Variants in EPHA6 observed in about 807,000 individuals in gnomAD.
EPHA6 encodes ephrin type-A receptor 6.
A neutral mutation model predicts 112.0 loss-of-function variants in EPHA6; 50 were observed. The observed-to-expected ratio is 0.45, with a 90% CI of 0.36 to 0.56. The LOEUF is 0.56. Among genes scored for constraint, EPHA6 ranks in the 20% least tolerant of loss-of-function variants. EPHA6 has a pLI of 0.00. For missense variants in EPHA6, 1,280 were observed against 1,417.4 expected (o/e 0.90, Z 1.56); for synonymous variants, 529 against 490.7 (o/e 1.08, Z -1.03).
At chr3:97,139,663 C>G (rs985151539) in intron 3 of EPHA6, among the ~76,000 whole-genome samples, 2 of 152,148 alleles carry the variant, frequency 1.3e-5, no homozygotes, top group Admixed American at 1.3e-4. Flanking sequence ...GTGCAACACT[C>G]CCACCCTCGG....
At chr3:97,170,855 T>C (rs1344952827) in intron 3 of EPHA6, among the ~76,000 whole-genome samples, 2 of 152,182 alleles carry the variant, frequency 1.3e-5, no homozygotes, top group Non-Finnish European at 2.9e-5. Flanking sequence ...TTTTTCTTTT[T>C]TGAGAATACA....
At chr3:97,274,648 A>G (rs974201077) in intron 5 of EPHA6, among the ~76,000 whole-genome samples, 6 of 152,176 alleles carry the variant, frequency 3.9e-5, no homozygotes, top group Non-Finnish European at 8.8e-5. Context: ...TGGTAGCCTC[A>G]ATGATACATG....
At chr3:97,527,817 A>T (rs2092642187) in intron 10 of EPHA6, among the ~76,000 whole-genome samples, 2 of 152,108 alleles carry the variant, frequency 1.3e-5, no homozygotes, top group Non-Finnish European at 2.9e-5. Context: ...ACTGAAACTT[A>T]CTTCTCAGTG....
chr3:97,450,705 A>T (rs1239101066), intron 7 of EPHA6, among the ~76,000 whole-genome samples: 1 of 152,116 alleles, frequency 6.6e-6, no homozygotes, highest in Non-Finnish European at 1.5e-5. Flanking sequence ...CAATTCACTC[A>T]TTCAACCGAC....
At chr3:97,593,721 G>A (rs2093564395) in intron 12 of EPHA6, among the ~76,000 whole-genome samples, 1 of 152,082 alleles carries the variant, frequency 6.6e-6, no homozygotes, top group East Asian at 1.9e-4. Flanking sequence ...ATTCTACACT[G>A]ATATTTTTCC....
chr3:97,433,133 A>G (rs1394020335), intron 6 of EPHA6, among the ~76,000 whole-genome samples: 2 of 152,154 alleles, frequency 1.3e-5, no homozygotes, highest in African/African-American at 4.8e-5. Flanking sequence ...CAAATAAGGA[A>G]AACTGGTTTG....
chr3:97,594,078 C>T (rs183938188), intron 12 of EPHA6, among the ~76,000 whole-genome samples: 7 of 152,132 alleles, frequency 4.6e-5, no homozygotes, highest in Non-Finnish European at 5.9e-5. Context: ...TAATTAATAT[C>T]CCAGTGATTG....
chr3:97,084,348 C>T (rs1383157241), intron 3 of EPHA6, among the ~76,000 whole-genome samples: 2 of 151,532 alleles, frequency 1.3e-5, no homozygotes, highest in Admixed American at 1.3e-4. Flanking sequence ...CACACACAGA[C>T]ATATACACAC....
chr3:96,987,556 C>G lies in EPHA6; in HGVS notation c.677C>G (p.Ser226Ter), dbSNP rs773373159. Residue 226 changes from serine (S) to a stop codon, truncating the protein, a stop_gained, in exon 3 of 18, where the codon TCA becomes TGA. Transcript: ENST00000389672. LOFTEE classifies it high-confidence loss of function. ...ACATTTAATCTGTTTTATATGGAAT[C>G]AGATGAGTCCCACGGAATTAAATTC... Reference protein sequence around the residue: ...KETFNLFYMESDESHGIKFKP... With the variant: ...KETFNLFYME 2 of 1,613,918 alleles carry G rather than the reference C, an allele frequency of 1.2e-6. No individual in the cohort carries two copies. The highest frequency in any genetic ancestry group is 2.2e-5 in the South Asian group (2 of 91,080).
chr3:97,725,258 A>G (rs2034709153), intron 15 of EPHA6, among the ~76,000 whole-genome samples: 2 of 152,056 alleles, frequency 1.3e-5, no homozygotes, highest in Admixed American at 1.3e-4. Context: ...TTTCTGTGCA[A>G]ATTCGTACAC....
chr3:97,685,473 C>T (rs1232364132), intron 14 of EPHA6, among the ~76,000 whole-genome samples: 2 of 152,128 alleles, frequency 1.3e-5, no homozygotes, highest in Admixed American at 1.3e-4. Flanking sequence ...AGGTTTATTT[C>T]TTGCTCATTC....
At chr3:97,432,880 C>A (rs1577387696) in intron 6 of EPHA6, among the ~76,000 whole-genome samples, 1 of 152,154 alleles carries the variant, frequency 6.6e-6, no homozygotes, top group Non-Finnish European at 1.5e-5. Context: ...AATCACCTCC[C>A]ACTGGGTTTC....
intron 3 of EPHA6, among the ~76,000 whole-genome samples, chr3:97,169,538 A>G (rs1403981708): frequency 6.6e-6 from 1 of 152,100 alleles, no homozygotes; most frequent in Non-Finnish European, 1.5e-5. Flanking sequence ...GTTCCATTGT[A>G]AACTTCTTTA....
At chr3:97,496,611 G>C (rs576054578) in intron 10 of EPHA6, among the ~76,000 whole-genome samples, 1 of 152,156 alleles carries the variant, frequency 6.6e-6, no homozygotes, top group Non-Finnish European at 1.5e-5. Context: ...TTGTACAACT[G>C]ATAATTCTGA....
At chr3:97,698,357 G>GA (rs1050960408) in intron 14 of EPHA6, among the ~76,000 whole-genome samples, 1 of 150,556 alleles carries the variant, frequency 6.6e-6, no homozygotes, top group Non-Finnish European at 1.5e-5. Context: ...TTCTTCAGAA[G>GA]AAAAAAATGC....
chr3:97,521,936 A>T (rs1356049786), intron 10 of EPHA6, among the ~76,000 whole-genome samples: 1 of 151,842 alleles, frequency 6.6e-6, no homozygotes, highest in Non-Finnish European at 1.5e-5. Context: ...AAAAAAAAAA[A>T]AAAAAAAGAC....
At chr3:96,999,663 T>G (rs2043559554) in intron 3 of EPHA6, among the ~76,000 whole-genome samples, 1 of 151,930 alleles carries the variant, frequency 6.6e-6, no homozygotes, top group Admixed American at 6.6e-5. Context: ...TGGTCATCTC[T>G]GCAACAGTCT....
chr3:97,522,369 G>A (rs1370241451), intron 10 of EPHA6, among the ~76,000 whole-genome samples: 1 of 152,174 alleles, frequency 6.6e-6, no homozygotes, highest in Non-Finnish European at 1.5e-5. Flanking sequence ...TTGGTAAGTT[G>A]AACCATCTTT....
At chr3:97,492,651 T>C (rs1180477984) in intron 10 of EPHA6, among the ~76,000 whole-genome samples, 1 of 125,406 alleles carries the variant, frequency 8.0e-6, no homozygotes, top group Non-Finnish European at 1.6e-5. Flanking sequence ...GTATAATATA[T>C]AAGGTAGAAA....
Sources: allele counts gnomAD v4.1 joint callset (sites outside exome capture counted in the v4.1 genomes callset), GRCh38; gene constraint gnomAD v4.1.1; transcripts MANE v1.5; gene names NCBI Gene and HGNC (gene_info 2026-07-23, HGNC 2026-07-21).